The following ERCC1 variants were observed in gnomAD, a reference collection of about 807,000 sequenced individuals.
The protein encoded by ERCC1 is ERCC excision repair 1, endonuclease non-catalytic subunit.
In ERCC1, 36 loss-of-function variants were observed where a neutral mutation model predicts 37.6. The ratio of observed to expected loss-of-function variants is 0.96; its 90% CI spans 0.73 to 1.26. The LOEUF (loss-of-function observed/expected upper bound fraction) is 1.26. Among genes scored for constraint, ERCC1 ranks in the 50% most tolerant of loss-of-function variants. The pLI is 0.00. For synonymous variants in ERCC1, 156 were observed against 162.1 expected, an observed-to-expected ratio of 0.96 and a Z score of 0.28; for missense variants, 349 against 376.5, an observed-to-expected ratio of 0.93 and a Z score of 0.60.
chr19:45,409,911 A>ATTTTT (rs1973602951), intron 9 of ERCC1, 186 bp from the exon 10 acceptor site: 1 of 135,972 alleles, frequency 7.4e-6, no homozygotes, highest in Non-Finnish European at 1.3e-5. Flanking sequence ...TTTTTTTTTG[A>ATTTTT]GATGGAGTCT....
chr19:45,433,354 C>T (rs570861749), intron 1 of ERCC1, among the ~76,000 whole-genome samples: 2 of 151,884 alleles, frequency 1.3e-5, no homozygotes, highest in Admixed American at 6.6e-5. Flanking sequence ...GGTGAAACCC[C>T]GTCTCTACTA....
At chr19:45,446,725 A>T (rs972755224) in intron 1 of ERCC1, among the ~76,000 whole-genome samples, 1 of 152,142 alleles carries the variant, frequency 6.6e-6, no homozygotes. Flanking sequence ...CTGGGCCGGG[A>T]GAGGTGGCTC....
chr19:45,443,336 C>A (rs750817825), intron 1 of ERCC1, among the ~76,000 whole-genome samples: 2 of 152,162 alleles, frequency 1.3e-5, no homozygotes, highest in South Asian at 2.1e-4. Context: ...ATACATCTTA[C>A]TGAATGAATG....
rs893149271 is a variant in ERCC1, at chr19:45,445,656, G to A, written c.-7-22275C>T. Among the ~76,000 whole-genome samples, 7 of 152,228 alleles carry A rather than the reference G, an allele frequency of 4.6e-5. No homozygotes were observed. In the East Asian group the frequency reaches 1.4e-3, roughly 29 times the overall value. On this transcript the variant is annotated intron_variant, in intron 1 of 8. Coordinates refer to the ERCC1 transcript ENST00000423698. ...GATATGTGGCCTAAGCAAGTGCAAA[G>A]GGTGTAAGGTGAAGACATGTCTGGT...
At chr19:45,428,718 C>A (rs532138289), upstream of ERCC1, among the ~76,000 whole-genome samples, 40 of 152,346 alleles carry the variant, frequency 2.6e-4, 1 homozygote, top group South Asian at 7.9e-3. Flanking sequence ...GGGCGGAGAG[C>A]AGCCCGGCCG....
intron 8 of ERCC1, 104 bp downstream of exon 8, chr19:45,413,859 G>A (rs1399389992): frequency 1.0e-5 from 16 of 1,577,950 alleles, no homozygotes; most frequent in Non-Finnish European, 1.3e-5. Context: ...GGGAAGGCAG[G>A]ACGGGCAAGG....
At position 45,409,731 on chromosome 19, in the gene ERCC1, T is replaced by C. The variant is rs958508562; in HGVS notation, c.844-6A>G. On this transcript the variant is annotated splice_polypyrimidine_tract_variant and splice_region_variant and intron_variant, in intron 9 of 9. Transcript: ENST00000300853. ...ACATCAAACAGCCTCCGGGCCTGGA[T>C]GGGAGGGAGAAAAAAATGAGGAACC... The C allele has an allele frequency of 3.7e-6, 3 of 810,868 alleles. No homozygotes were observed. In the South Asian group the frequency reaches 4.0e-5, roughly 11 times the overall value. 50.2% of individuals were successfully genotyped at this position (810,868 alleles called of 1,614,324 possible).
chr19:45,420,439 C>G lies in ERCC1; in HGVS notation c.322-12G>C, dbSNP rs376831417. ...ACGGGATTGCCCCTCTGGGGAGGGA[C>G]GAAGGGCAGAAGCCATCAATAGGGA... On this transcript the variant is annotated splice_polypyrimidine_tract_variant and intron_variant, in intron 3 of 9. Transcript: ENST00000300853. This position sits in a 1 kb window ranked among gnomAD's most constrained non-coding sequence, Gnocchi z 4.8. 7 of 1,578,620 alleles carry G rather than the reference C, an allele frequency of 4.4e-6. No individual in the cohort carries two copies. In the African/African-American group the frequency reaches 9.5e-5, roughly 21 times the overall value.
chr19:45,446,533 G>C (rs1354693794), intron 1 of ERCC1, among the ~76,000 whole-genome samples: 1 of 152,080 alleles, frequency 6.6e-6, no homozygotes, highest in Non-Finnish European at 1.5e-5. Flanking sequence ...AGGTCTCACG[G>C]CTCAGTCTAG....
In ERCC1 at chr19:45,440,979, G is replaced by C. The variant is rs142640701; in HGVS notation, c.-7-17598C>G. ...GCTGGTCTTGAGCTCCTGGCCTCAA[G>C]CTATCCTCTGGCCTCCTCCTAGGAA... On this transcript the variant is annotated intron_variant, in intron 1 of 8. Transcript: ENST00000423698. Among the ~76,000 whole-genome samples, 121 of 152,264 alleles carry C rather than the reference G, an allele frequency of 7.9e-4. No homozygotes were observed. The Middle Eastern group carries it at 0.01, about 13-fold the overall frequency.
At chr19:45,415,635 CAAAAAAAAAAAAAA>C (rs913880423) in intron 6 of ERCC1, among the ~76,000 whole-genome samples, 1 of 46,724 alleles carries the variant, frequency 2.1e-5, no homozygotes, top group Non-Finnish European at 4.3e-5. Context: ...GACTCCGTCT[CAAAAAAAAAAAAAA>C]AAAAAAAAAC....
At position 45,446,749 on chromosome 19, in the gene ERCC1, C is replaced by T. The variant is rs112082325; in HGVS notation, c.-7-23368G>A. 1.5e-3 allele frequency among the ~76,000 whole-genome samples: 228 copies of T among 152,258 alleles called. 2 individuals are homozygous for T. The highest frequency in any genetic ancestry group is 5.3e-3 in the African/African-American group (222 of 41,540). On this transcript the variant is annotated intron_variant, in intron 1 of 8. Transcript: ENST00000423698. ...GAGAGGTGGCTCACAACTGTAATCC[C>T]GGAACTTTGGGAGGCCAAGGCGGGC...
At chr19:45,432,000 C>A (rs1362244689) in intron 1 of ERCC1, among the ~76,000 whole-genome samples, 2 of 151,948 alleles carry the variant, frequency 1.3e-5, no homozygotes, top group Non-Finnish European at 2.9e-5. Flanking sequence ...GAGATGGAAT[C>A]TCGCTCTGTC....
chr19:45,430,588 C>G (rs1394611035), intron 1 of ERCC1, among the ~76,000 whole-genome samples: 1 of 152,140 alleles, frequency 6.6e-6, no homozygotes, highest in Non-Finnish European at 1.5e-5. Flanking sequence ...GGGGGTTCCC[C>G]AGCACCCCTT....
In ERCC1 at chr19:45,413,967, A is replaced by G. The variant is rs1237044898; in HGVS notation, c.770T>C (p.Phe257Ser). 9 of 1,613,356 alleles carry G rather than the reference A, an allele frequency of 5.6e-6. No individual in the cohort carries two copies. The highest frequency in any genetic ancestry group is 2.7e-5 in the African/African-American group (2 of 74,788). Residue 257 changes from phenylalanine (F) to serine (S), a missense_variant, in exon 8 of 10, where the codon TTT becomes TCT. Phe to Ser is a radical substitution (Grantham distance 155). Coordinates refer to ENST00000300853, the MANE Select transcript of ERCC1 (RefSeq NM_001983.4). ...KTDSQTLLTT[F>S]GSLEQLIAAS... ...GGCAGGGGAGCCATTCCTTACTCCA[A>G]ATGTGGTCAGGAGGGTCTGACTGTC...
chr19:45,438,220 T>G (rs1173498502), intron 1 of ERCC1, among the ~76,000 whole-genome samples: 1 of 151,710 alleles, frequency 6.6e-6, no homozygotes, highest in Non-Finnish European at 1.5e-5. Flanking sequence ...TCTCATCTGA[T>G]TTTTTTTATT....
chr19:45,408,281 C>T lies in ERCC1; in HGVS notation c.*1394G>A, dbSNP rs768800295. On this transcript the variant is annotated 3_prime_UTR_variant, in exon 10 of 10. Coordinates refer to ENST00000300853, the MANE Select transcript of ERCC1 (RefSeq NM_001983.4). ...CCCCTCAACGGAGGCAGGAGGTGGA[C>T]TCACCTGTGCCTCAGCCCCCCAGGG... The T allele has an allele frequency of 4.3e-6, 7 of 1,613,964 alleles. No individual in the cohort carries two copies. Among genetic ancestry groups the T allele is most frequent in the Non-Finnish European group, 5.9e-6 (7 of 1,179,910 alleles).
chr19:45,415,734 G>A (rs895513817), intron 6 of ERCC1: 8 of 455,318 alleles, frequency 1.8e-5, no homozygotes, highest in African/African-American at 8.0e-5. Context: ...ACTGCTGGGC[G>A]CATCTTGATA....
At chr19:45,438,634 T>G (rs1975042636) in intron 1 of ERCC1, among the ~76,000 whole-genome samples, 1 of 151,244 alleles carries the variant, frequency 6.6e-6, no homozygotes, top group South Asian at 2.1e-4. Context: ...CTAATTATTT[T>G]TATTTATTAT....
Sources: gnomAD v4.1 joint callset for allele counts (sites outside exome capture counted in the v4.1 genomes callset) on GRCh38, gnomAD v4.1.1 for gene constraint, Gnocchi (gnomAD v3.1) non-coding constraint, MANE v1.5 for transcripts, NCBI Gene and HGNC (gene_info 2026-07-23, HGNC 2026-07-21) for gene names.